RAB27B: variants seen among roughly 807,000 people sequenced by gnomAD.
RAB27B encodes ras-related protein Rab-27B.
RAB27B carries 15 observed loss-of-function variants against 24.6 expected under a neutral mutation model. The observed-to-expected ratio is 0.61, with a 90% CI of 0.41 to 0.94. The LOEUF (loss-of-function observed/expected upper bound fraction) is 0.94. RAB27B is among the 40% of genes least tolerant of loss of function. RAB27B has a pLI of 0.00. For missense variants in RAB27B, 261 were observed against 266.8 expected, an observed-to-expected ratio of 0.98 and a Z score of 0.15; for synonymous variants, 105 against 92.5, an observed-to-expected ratio of 1.14 and a Z score of -0.78.
intron 2 of RAB27B, among the ~76,000 whole-genome samples, chr18:54,780,840 G>A (rs1908892303): frequency 6.6e-6 from 1 of 152,178 alleles, no homozygotes. Flanking sequence ...ACTGAGGTTT[G>A]CAAACGACTG....
At chr18:54,847,937 C>T (rs908620208) in intron 1 of RAB27B, among the ~76,000 whole-genome samples, 2 of 152,180 alleles carry the variant, frequency 1.3e-5, no homozygotes, top group African/African-American at 4.8e-5. Context: ...GGCCCAGAAT[C>T]ACGCAGATTC....
chr18:54,829,594 T>C (rs771573456), intron 1 of RAB27B, among the ~76,000 whole-genome samples: 2 of 152,236 alleles, frequency 1.3e-5, no homozygotes, highest in Non-Finnish European at 2.9e-5. Flanking sequence ...TTGTTCTGTT[T>C]ATAAGAAAAA....
chr18:54,733,236 T>G (rs1239473064), intron 2 of RAB27B, among the ~76,000 whole-genome samples: 1 of 152,006 alleles, frequency 6.6e-6, no homozygotes, highest in Admixed American at 6.6e-5. Flanking sequence ...TTTTTAGAGA[T>G]GAGGTCTTGC....
chr18:54,889,538 A>T lies in RAB27B; in HGVS notation c.*125A>T. 1 of 915,818 alleles carries T rather than the reference A, an allele frequency of 1.1e-6. No homozygotes were observed. The highest frequency in any genetic ancestry group is 2.1e-5 in the South Asian group (1 of 47,684). The allele number at this position is 915,818 out of a possible 1,614,324, so 56.7% of individuals were successfully genotyped here. ...GCATGTCTTTCTTTTTCTGCCAGAA[A>T]ATCTATTTTAAGAAACCAGAATAGT... On this transcript the variant is annotated 3_prime_UTR_variant, in exon 6 of 6. Coordinates refer to ENST00000262094, the MANE Select transcript of RAB27B (RefSeq NM_004163.4).
intron 1 of RAB27B, among the ~76,000 whole-genome samples, chr18:54,836,449 A>G (rs1024689059): frequency 6.6e-6 from 1 of 151,942 alleles, no homozygotes; most frequent in Non-Finnish European, 1.5e-5. Context: ...TTAGTAAAAC[A>G]AAGCCTTCAA....
intron 2 of RAB27B, among the ~76,000 whole-genome samples, chr18:54,766,489 G>GT (rs1308124477): frequency 9.2e-5 from 14 of 151,790 alleles, no homozygotes; most frequent in African/African-American, 7.3e-5. Flanking sequence ...TTTTTTTTAA[G>GT]TTTTTTTGTT....
At chr18:54,809,640 G>C (rs1909901809) in intron 2 of RAB27B, among the ~76,000 whole-genome samples, 1 of 152,184 alleles carries the variant, frequency 6.6e-6, no homozygotes, top group African/African-American at 2.4e-5. Flanking sequence ...AAAACCAAGT[G>C]TTTGGAGGCA....
intron 1 of RAB27B, among the ~76,000 whole-genome samples, chr18:54,855,773 G>T (rs1911760998): frequency 1.3e-5 from 2 of 152,276 alleles, no homozygotes; most frequent in Admixed American, 6.5e-5. Flanking sequence ...TTATATTTGT[G>T]AGTTTTAGAC....
chr18:54,743,491 G>A (rs1044398144), intron 2 of RAB27B, among the ~76,000 whole-genome samples: 1 of 152,176 alleles, frequency 6.6e-6, no homozygotes, highest in Non-Finnish European at 1.5e-5. Context: ...TGAATCATGA[G>A]TGAGGAAAAC....
intron 2 of RAB27B, among the ~76,000 whole-genome samples, chr18:54,807,134 T>C (rs887534260): frequency 6.6e-6 from 1 of 152,162 alleles, no homozygotes; most frequent in Non-Finnish European, 1.5e-5. Context: ...CTCTTGACCT[T>C]GTGATCTGCC....
rs183027168 is a variant in RAB27B at position 54,719,456 on chromosome 18, G to T, written c.-20+1315G>T. On this transcript the variant is annotated intron_variant, in intron 2 of 4. Transcript: ENST00000586570. The stretch of plus-strand genomic sequence containing the variant: ...GGTATGCTACCTATACTTTTTAAAT[G>T]TAACTAAAATTACTAATGATTGTAA... Among the ~76,000 whole-genome samples, 19 of 151,956 alleles carry T rather than the reference G, an allele frequency of 1.3e-4. No homozygotes were observed. In the East Asian group the frequency reaches 3.7e-3, roughly 29 times the overall value.
intron 2 of RAB27B, among the ~76,000 whole-genome samples, chr18:54,790,571 AG>A (rs1282089321): frequency 6.6e-6 from 1 of 151,886 alleles, no homozygotes; most frequent in Non-Finnish European, 1.5e-5. Context: ...TCAAAAAGCA[AG>A]GTAATTAGCA....
At chr18:54,819,541 A>G (rs1403212615) in intron 2 of RAB27B, among the ~76,000 whole-genome samples, 8 of 149,170 alleles carry the variant, frequency 5.4e-5, no homozygotes, top group Non-Finnish European at 8.9e-5. Context: ...CAAAAAAAAA[A>G]AAAAAAGAAA....
rs1909442748 is a variant in RAB27B at position 54,796,999 on chromosome 18, T to C, written c.-20+78858T>C. The stretch of plus-strand genomic sequence containing the variant: ...GGAGTCATTGCCGTCTTTTCTCCAT[T>C]TCAGAAACAGAGATGCAGACTTTTA... On this transcript the variant is annotated intron_variant, in intron 2 of 4. Transcript: ENST00000586570. 1.3e-5 allele frequency among the ~76,000 whole-genome samples: 2 copies of C among 152,204 alleles called. 1 individual carries two copies.
chr18:54,786,135 T>C (rs1714439173), intron 2 of RAB27B, among the ~76,000 whole-genome samples: 1 of 152,216 alleles, frequency 6.6e-6, no homozygotes, highest in South Asian at 2.1e-4. Context: ...CTGCAGAATA[T>C]TTCCTCCTTC....
At chr18:54,827,511 TTG>T (rs1402937599), upstream of RAB27B, among the ~76,000 whole-genome samples, 4 of 152,228 alleles carry the variant, frequency 2.6e-5, no homozygotes, top group Non-Finnish European at 4.4e-5. Flanking sequence ...ATTGTTTGTT[TTG>T]TGTTTTGGTT....
intron 1 of RAB27B, among the ~76,000 whole-genome samples, chr18:54,866,896 T>G (rs898695135): frequency 1.5e-4 from 23 of 152,110 alleles, no homozygotes; most frequent in Non-Finnish European, 2.5e-4. Flanking sequence ...GTTCAAAGGT[T>G]TTTATGTACG....
chr18:54,768,069 C>A (rs1204174017), intron 2 of RAB27B, among the ~76,000 whole-genome samples: 1 of 152,044 alleles, frequency 6.6e-6, no homozygotes, highest in East Asian at 1.9e-4. Flanking sequence ...GGGGCCAATG[C>A]AGAGGAGAGA....
At chr18:54,743,899 TG>T (rs1313651800) in intron 2 of RAB27B, among the ~76,000 whole-genome samples, 1 of 151,650 alleles carries the variant, frequency 6.6e-6, no homozygotes, top group Non-Finnish European at 1.5e-5. Flanking sequence ...GTAAGGGAGG[TG>T]GGGAGAAGCA....
Sources: allele counts gnomAD v4.1 joint callset (sites outside exome capture counted in the v4.1 genomes callset), GRCh38; gene constraint gnomAD v4.1.1; transcripts MANE v1.5; gene names NCBI Gene and HGNC (gene_info 2026-07-23, HGNC 2026-07-21).